Variants in PRKG1 observed in about 807,000 individuals in gnomAD.
PRKG1 encodes the protein cGMP-dependent protein kinase 1.
A neutral mutation model predicts 88.1 loss-of-function variants in PRKG1; 35 were observed. That is an observed-to-expected ratio of 0.40 (90% CI 0.30 to 0.53). The LOEUF is 0.53. PRKG1 is among the 20% of genes least tolerant of loss of function. The probability of loss-of-function intolerance (pLI) is 0.59; values close to 1 mark genes in which losing one functional copy is unlikely to be tolerated. For missense variants in PRKG1, 540 were observed against 839.8 expected (o/e 0.64, Z 4.41); for synonymous variants, 303 against 292.5 (o/e 1.04, Z -0.37).
chr10:51,162,531 C>T (rs1326254929), intron 2 of PRKG1, among the ~76,000 whole-genome samples: 1 of 152,160 alleles, frequency 6.6e-6, no homozygotes, highest in Admixed American at 6.5e-5. Context: ...TGAGAATTCA[C>T]ACTTTATGTG....
At chr10:52,279,274 T>G (rs937367739) in intron 12 of PRKG1, among the ~76,000 whole-genome samples, 2 of 152,182 alleles carry the variant, frequency 1.3e-5, no homozygotes, top group Non-Finnish European at 2.9e-5. Flanking sequence ...GTATATCATT[T>G]GTTTCCTCAT....
intron 4 of PRKG1, among the ~76,000 whole-genome samples, chr10:51,851,942 G>A (rs1589355409): frequency 6.6e-6 from 1 of 152,160 alleles, no homozygotes; most frequent in East Asian, 1.9e-4. Context: ...TGATAAATTA[G>A]TGATGCTCGC....
chr10:51,952,048 G>T (rs1288319525), intron 5 of PRKG1, among the ~76,000 whole-genome samples: 2 of 152,286 alleles, frequency 1.3e-5, no homozygotes, highest in East Asian at 1.9e-4. Flanking sequence ...CAAGAGGAGA[G>T]ATGACTATTT....
intron 3 of PRKG1, among the ~76,000 whole-genome samples, chr10:51,781,947 ATTGTATT>A (rs1223680226): frequency 1.3e-5 from 2 of 151,088 alleles, no homozygotes; most frequent in Non-Finnish European, 3.0e-5. Context: ...CCCAACACCC[ATTGTATT>A]TAGTTCAGTA....
intron 2 of PRKG1, among the ~76,000 whole-genome samples, chr10:51,401,291 G>A (rs1415991779): frequency 6.6e-6 from 1 of 152,112 alleles, no homozygotes; most frequent in East Asian, 1.9e-4. Context: ...CACATATCAG[G>A]TGCTGATGCT....
intron 2 of PRKG1, among the ~76,000 whole-genome samples, chr10:51,202,658 T>G (rs1209645628): frequency 6.6e-6 from 1 of 152,202 alleles, no homozygotes; most frequent in East Asian, 1.9e-4. Context: ...AAGGGTAGTT[T>G]ATGGGGTTTA....
chr10:51,514,976 A>G (rs532053932), intron 3 of PRKG1, among the ~76,000 whole-genome samples: 8 of 152,118 alleles, frequency 5.3e-5, no homozygotes, highest in Non-Finnish European at 1.2e-4. Context: ...AGCATCCCTG[A>G]CCTCTACCCA....
At chr10:51,786,330 G>C (rs1225557765) in intron 3 of PRKG1, among the ~76,000 whole-genome samples, 1 of 152,074 alleles carries the variant, frequency 6.6e-6, no homozygotes, top group Non-Finnish European at 1.5e-5. Flanking sequence ...GCTCGATAAA[G>C]AGTATCTTGA....
At chr10:51,239,100 G>A (rs1322080792) in intron 2 of PRKG1, among the ~76,000 whole-genome samples, 1 of 152,052 alleles carries the variant, frequency 6.6e-6, no homozygotes, top group Non-Finnish European at 1.5e-5. Context: ...AATATTACAA[G>A]ATTGGAGTTC....
At chr10:51,580,200 C>T (rs1837995379) in intron 3 of PRKG1, among the ~76,000 whole-genome samples, 1 of 152,064 alleles carries the variant, frequency 6.6e-6, no homozygotes. Context: ...TAAGATATAT[C>T]CATGCTGTTA....
intron 5 of PRKG1, among the ~76,000 whole-genome samples, chr10:51,921,508 A>G (rs1842462752): frequency 6.6e-6 from 1 of 152,106 alleles, no homozygotes; most frequent in South Asian, 2.1e-4. Flanking sequence ...ATGGGAAAGC[A>G]TCTAGTTTCT....
At chr10:52,232,145 A>C (rs1840539648) in intron 9 of PRKG1, among the ~76,000 whole-genome samples, 1 of 152,044 alleles carries the variant, frequency 6.6e-6, no homozygotes, top group African/African-American at 2.4e-5. Flanking sequence ...TCTACTAAAA[A>C]TACAAAAATT....
intron 9 of PRKG1, chr10:52,231,004 C>A (rs941059770): frequency 6.6e-6 from 1 of 152,140 alleles, no homozygotes; most frequent in African/African-American, 2.4e-5. Flanking sequence ...TCTATGTGGT[C>A]ATTAGAAGGG....
intron 3 of PRKG1, among the ~76,000 whole-genome samples, chr10:51,688,490 C>A (rs57169329): frequency 0.069 from 10,351 of 150,568 alleles, 391 homozygotes; most frequent in South Asian, 0.12. Flanking sequence ...AAGGATTTTT[C>A]TTCCTCTGCC....
chr10:51,974,235 T>C (rs956567013), intron 5 of PRKG1, among the ~76,000 whole-genome samples: 1 of 152,130 alleles, frequency 6.6e-6, no homozygotes, highest in African/African-American at 2.4e-5. Context: ...TGGAACAGCA[T>C]TAGGGTTCTG....
At chr10:51,106,158 G>A (rs1296386385) in intron 1 of PRKG1, among the ~76,000 whole-genome samples, 5 of 152,280 alleles carry the variant, frequency 3.3e-5, no homozygotes, top group Middle Eastern at 3.4e-3. Flanking sequence ...GAGTTATTAA[G>A]CCTCTCTATG....
intron 1 of PRKG1, among the ~76,000 whole-genome samples, chr10:51,007,479 A>G (rs1189476052): frequency 1.3e-5 from 2 of 152,240 alleles, no homozygotes; most frequent in African/African-American, 4.8e-5. Flanking sequence ...CTCATTACCT[A>G]GGAAAGCCTA....
chr10:51,857,440 C>T (rs1163576255), intron 4 of PRKG1, among the ~76,000 whole-genome samples: 1 of 152,136 alleles, frequency 6.6e-6, no homozygotes, highest in Non-Finnish European at 1.5e-5. Flanking sequence ...ACTTCAGAAT[C>T]TCCCCCTCTC....
intron 2 of PRKG1, among the ~76,000 whole-genome samples, chr10:51,441,579 A>G (rs557762052): frequency 3.7e-4 from 56 of 151,974 alleles, no homozygotes; most frequent in African/African-American, 1.3e-3. Flanking sequence ...ACTGATCCTC[A>G]TTCTTCTAGG....
Sources: allele counts gnomAD v4.1 joint callset (sites outside exome capture counted in the v4.1 genomes callset), GRCh38; gene constraint gnomAD v4.1.1; transcripts MANE v1.5; gene names NCBI Gene and HGNC (gene_info 2026-07-23, HGNC 2026-07-21).